The following LDHC variants were observed in gnomAD, a reference collection of about 807,000 sequenced individuals.
LDHC encodes L-lactate dehydrogenase C chain.
Under a neutral mutation model 30.2 loss-of-function variants are expected in LDHC, and 20 were observed. That is an observed-to-expected ratio of 0.66 (90% CI 0.47 to 0.96). LDHC has a LOEUF of 0.96. LDHC is among the 40% of genes least tolerant of loss of function. The pLI is 0.00. For missense variants in LDHC, 362 were observed against 394.9 expected (o/e 0.92, Z 0.71); for synonymous variants, 139 against 132.7 (o/e 1.05, Z -0.32).
At chr11:18,423,988 A>C (rs1476488831) in intron 3 of LDHC, among the ~76,000 whole-genome samples, 1 of 140,540 alleles carries the variant, frequency 7.1e-6, no homozygotes, top group Non-Finnish European at 1.6e-5. Flanking sequence ...ATACCATTAC[A>C]CACCCACTAG....
Position 18,446,252 on chromosome 11 carries a change from T to C in LDHC, c.753T>C (p.Ala251=). ...AGCTGAAGGGGTATACCTCTTGGGCTATTGGACTGTCTGTGATGGATTTGG... is the reference window on the plus strand; with the variant it reads ...AGCTGAAGGGGTATACCTCTTGGGCCATTGGACTGTCTGTGATGGATTTGG... ...IIKLKGYTSW[A]IGLSVMDLVG... is the part of the protein sequence containing the mutation. Residue 251 remains alanine, a synonymous_variant, in exon 7 of 8, where the codon GCT becomes GCC. Coordinates refer to ENST00000541669, the MANE Select transcript of LDHC (RefSeq NM_017448.5). 2 of 1,600,136 alleles carry C rather than the reference T, an allele frequency of 1.2e-6. No homozygotes were observed. The highest frequency in any genetic ancestry group is 2.2e-5 in the South Asian group (2 of 90,802).
At chr11:18,432,363 G>T (rs189362432) in intron 4 of LDHC, among the ~76,000 whole-genome samples, 32 of 152,226 alleles carry the variant, frequency 2.1e-4, no homozygotes, top group Non-Finnish European at 4.0e-4. Flanking sequence ...ATTTATTGAG[G>T]CTCATTTTAT....
At position 18,451,021 on chromosome 11, in the gene LDHC, A is replaced by G; in HGVS notation, c.893A>G (p.Asn298Ser). 1.3e-6 allele frequency: 2 copies of G among 1,596,612 alleles called. No homozygotes were observed. The highest frequency in any genetic ancestry group is 1.7e-6 in the Non-Finnish European group (2 of 1,173,608). Residue 298 changes from asparagine (N) to serine (S), a missense_variant, in exon 8 of 8, where the codon AAT (asparagine) becomes AGT (serine). Coordinates refer to ENST00000541669, the MANE Select transcript of LDHC (RefSeq NM_017448.5). ...FLSIPCVLGR[N>S]GVSDVVKINL... is the part of the protein sequence containing the mutation. ...AGTATCCCTTGTGTCTTGGGGCGGAATGGTGTCTCAGATGTTGTGAAAATT... is the reference window on the plus strand; with the variant it reads ...AGTATCCCTTGTGTCTTGGGGCGGAGTGGTGTCTCAGATGTTGTGAAAATT...
chr11:18,438,849 A>G (rs2133839811), intron 6 of LDHC, among the ~76,000 whole-genome samples: 1 of 152,328 alleles, frequency 6.6e-6, no homozygotes, highest in East Asian at 1.9e-4. Flanking sequence ...TTCACAACTC[A>G]TATATTTGAG....
At chr11:18,447,620 G>C (rs1451891938) in intron 7 of LDHC, among the ~76,000 whole-genome samples, 1 of 152,198 alleles carries the variant, frequency 6.6e-6, no homozygotes, top group Admixed American at 6.5e-5. Flanking sequence ...GGAAGACTGT[G>C]AGCCATGTGT....
At chr11:18,424,917 A>G (rs1443762865) in intron 3 of LDHC, among the ~76,000 whole-genome samples, 1 of 152,096 alleles carries the variant, frequency 6.6e-6, no homozygotes, top group Non-Finnish European at 1.5e-5. Flanking sequence ...CTGAGGCAGG[A>G]GAATCGCTTG....
intron 3 of LDHC, among the ~76,000 whole-genome samples, chr11:18,418,744 A>C (rs1034071022): frequency 4.6e-5 from 7 of 152,146 alleles, no homozygotes; most frequent in African/African-American, 1.7e-4. Context: ...AAAATACTTG[A>C]AAACATATTC....
At chr11:18,440,654 T>C (rs1426878105) in intron 6 of LDHC, among the ~76,000 whole-genome samples, 1 of 152,068 alleles carries the variant, frequency 6.6e-6, no homozygotes, top group African/African-American at 2.4e-5. Flanking sequence ...TAAGGCTGGG[T>C]GCAGTGGCTC....
At chr11:18,415,419 T>G (rs1866992708) in intron 3 of LDHC, 118 bp downstream of exon 3, 1 of 583,208 alleles carries the variant, frequency 1.7e-6, no homozygotes, top group East Asian at 2.9e-5. Flanking sequence ...GGCCATATAA[T>G]TTAATTTAGT....
intron 5 of LDHC, among the ~76,000 whole-genome samples, chr11:18,435,874 C>A (rs796506531): frequency 4.6e-5 from 7 of 152,162 alleles, no homozygotes; most frequent in African/African-American, 1.7e-4. Context: ...ACTATTGAGG[C>A]CACACCAACC....
chr11:18,446,744 T>A (rs1030194031), intron 7 of LDHC, among the ~76,000 whole-genome samples: 5 of 152,238 alleles, frequency 3.3e-5, no homozygotes, highest in Non-Finnish European at 5.9e-5. Flanking sequence ...TTCCAACTCA[T>A]GCAGACTTTT....
intron 2 of LDHC, among the ~76,000 whole-genome samples, chr11:18,414,830 C>G (rs888986525): frequency 2.8e-4 from 43 of 151,334 alleles, no homozygotes; most frequent in African/African-American, 9.5e-4. Context: ...TCATCTCAAA[C>G]AAAACAAAAC....
At chr11:18,413,144 C>T (rs1192496143) in intron 2 of LDHC, among the ~76,000 whole-genome samples, 1 of 150,026 alleles carries the variant, frequency 6.7e-6, no homozygotes, top group Non-Finnish European at 1.5e-5. Flanking sequence ...TGCAGTGGCG[C>T]GATCTTGGCC....
intron 4 of LDHC, among the ~76,000 whole-genome samples, chr11:18,430,606 C>G (rs753797059): frequency 6.6e-6 from 1 of 152,208 alleles, no homozygotes; most frequent in Non-Finnish European, 1.5e-5. Flanking sequence ...AGGCAGTCTA[C>G]TCGCCTTGGC....
chr11:18,433,729 A>G (rs889441598), intron 4 of LDHC, among the ~76,000 whole-genome samples: 1 of 152,100 alleles, frequency 6.6e-6, no homozygotes, highest in Non-Finnish European at 1.5e-5. Context: ...AGCTCTTAAG[A>G]TTCTTTCCTT....
chr11:18,439,796 G>A (rs1848425452), intron 6 of LDHC, among the ~76,000 whole-genome samples: 1 of 89,464 alleles, frequency 1.1e-5, no homozygotes. Flanking sequence ...CCAACATGGT[G>A]AAAACCGTCT....
intron 3 of LDHC, among the ~76,000 whole-genome samples, chr11:18,417,395 T>A (rs1422372587): frequency 2.6e-5 from 4 of 152,196 alleles, no homozygotes. Context: ...CCTTACTAAA[T>A]TTTATGACTT....
chr11:18,437,834 G>A (rs1473939523), intron 5 of LDHC, among the ~76,000 whole-genome samples: 4 of 151,744 alleles, frequency 2.6e-5, no homozygotes, highest in African/African-American at 7.3e-5. Flanking sequence ...GGAGGCCAAC[G>A]CGTGTGGATC....
chr11:18,414,481 C>T (rs75762326), intron 2 of LDHC, among the ~76,000 whole-genome samples: 2,078 of 152,156 alleles, frequency 0.014, 50 homozygotes, highest in African/African-American at 0.047. Context: ...GCCATAACGA[C>T]GCATACTAAA....
Sources: allele counts gnomAD v4.1 joint callset (sites outside exome capture counted in the v4.1 genomes callset), GRCh38; gene constraint gnomAD v4.1.1; transcripts MANE v1.5; gene names NCBI Gene and HGNC (gene_info 2026-07-23, HGNC 2026-07-21).